SLC25A14: variants seen among roughly 807,000 people sequenced by gnomAD.
SLC25A14 encodes the protein solute carrier family 25 member 14, also known as brain mitochondrial carrier protein 1.
Under a neutral mutation model 28.1 loss-of-function variants are expected in SLC25A14, and 8 were observed. That is an observed-to-expected ratio of 0.28 (90% CI 0.17 to 0.51). SLC25A14 has a LOEUF of 0.51. Ranked by LOEUF, SLC25A14 falls within the 20% of genes least tolerant of loss-of-function variation. SLC25A14 has a pLI of 0.97. For missense variants in SLC25A14, 135 were observed against 263.8 expected (o/e 0.51, Z 3.38); for synonymous variants, 74 against 90.6 (o/e 0.82, Z 1.04).
At chrX:130,370,827 A>G (rs1193474278) in intron 9 of SLC25A14, among the ~76,000 whole-genome samples, 1 of 112,282 alleles carries the variant, frequency 8.9e-6, no homozygotes, top group Non-Finnish European at 1.9e-5. Context: ...TGTATAGGTT[A>G]CCTATTGCTG....
Position 130,373,038 on chromosome X carries a change from A to G in SLC25A14, c.*88A>G. 1 of 743,255 alleles carries G rather than the reference A, an allele frequency of 1.3e-6. No individual in the cohort carries two copies. Among genetic ancestry groups the G allele is most frequent in the Non-Finnish European group, 2.0e-6 (1 of 495,709 alleles). 61.3% of individuals were successfully genotyped at this position (743,255 alleles called of 1,213,427 possible). A position where few individuals can be genotyped will look rare whatever the true frequency, so the allele number is the denominator to read the frequency against. On this transcript the variant is annotated 3_prime_UTR_variant, in exon 11 of 11. Coordinates refer to ENST00000545805, the MANE Select transcript of SLC25A14 (RefSeq NM_001282195.2). ...TTCTAATGTATTTTGACAATGTTGT[A>G]AGTGTTTACCAAGCCGTTGGTCTCC...
intron 10 of SLC25A14, among the ~76,000 whole-genome samples, chrX:130,372,343 T>TA (rs2034283220): frequency 8.9e-6 from 1 of 111,852 alleles, no homozygotes; most frequent in African/African-American, 3.3e-5. Context: ...CTGAAGACTA[T>TA]AAATATATTA....
chrX:130,368,939 T>C (rs1192652137), intron 9 of SLC25A14, among the ~76,000 whole-genome samples: 6 of 112,691 alleles, frequency 5.3e-5, no homozygotes, highest in Admixed American at 1.9e-4. Flanking sequence ...TTTACTCACT[T>C]GCTACTAAAA....
At chrX:130,344,601 A>G (rs978674268) in intron 2 of SLC25A14, among the ~76,000 whole-genome samples, 1 of 112,093 alleles carries the variant, frequency 8.9e-6, no homozygotes, top group African/African-American at 3.2e-5. Context: ...TCATATTGCT[A>G]TCATTCCTTT....
intron 3 of SLC25A14, 37 bp downstream of exon 3, chrX:130,345,312 G>A (rs2033396610): frequency 3.6e-6 from 3 of 828,417 alleles, no homozygotes; most frequent in Non-Finnish European, 5.4e-6. Flanking sequence ...GCATTATACG[G>A]TATAGATGGT....
intron 9 of SLC25A14, 120 bp from the exon 10 acceptor site, chrX:130,371,444 G>A: frequency 2.1e-6 from 1 of 486,232 alleles, no homozygotes; most frequent in Middle Eastern, 3.5e-4. Flanking sequence ...AATTTAAAAT[G>A]GACCTTTAGA....
chrX:130,340,675 G>C (rs1228747556), intron 2 of SLC25A14, among the ~76,000 whole-genome samples: 2 of 110,483 alleles, frequency 1.8e-5, no homozygotes, highest in Non-Finnish European at 1.9e-5. Flanking sequence ...TCTTCATTGG[G>C]GAAGTCTATC....
intron 9 of SLC25A14, among the ~76,000 whole-genome samples, chrX:130,366,684 C>G (rs1569456100): frequency 8.9e-6 from 1 of 111,875 alleles, no homozygotes; most frequent in East Asian, 2.8e-4. Context: ...GGTGCTTGGA[C>G]TTTTTTTTAA....
intron 9 of SLC25A14, among the ~76,000 whole-genome samples, chrX:130,366,650 A>G (rs946200118): frequency 8.9e-6 from 1 of 112,520 alleles, no homozygotes; most frequent in Non-Finnish European, 1.9e-5. Flanking sequence ...GTTAGATTAT[A>G]AAGGATACTG....
intron 7 of SLC25A14, among the ~76,000 whole-genome samples, chrX:130,362,040 G>A (rs938080433): frequency 1.8e-5 from 2 of 110,828 alleles, no homozygotes; most frequent in African/African-American, 6.6e-5. Context: ...GGCACCCTTC[G>A]GCTAGCCAGC....
intron 6 of SLC25A14, among the ~76,000 whole-genome samples, chrX:130,354,830 C>A (rs939978162): frequency 8.9e-6 from 1 of 111,808 alleles, no homozygotes; most frequent in East Asian, 2.8e-4. Flanking sequence ...CTGTCTGGAC[C>A]CTTACAGAAA....
At chrX:130,349,401 C>T (rs1177675563) in intron 5 of SLC25A14, 56 bp downstream of exon 5, 2 of 771,844 alleles carry the variant, frequency 2.6e-6, no homozygotes, top group East Asian at 6.6e-5. Context: ...TGAAATCATG[C>T]TTAGTGAGAA....
chrX:130,348,724 G>T lies in SLC25A14; in HGVS notation c.318-527G>T, dbSNP rs759299295. On this transcript the variant is annotated intron_variant, in intron 4 of 10. Transcript: ENST00000545805. ...TCTTTTGCTTGCTTTGGGTTATTTT[G>T]CTTTTCTTTTTCTAGTTTCTTGAGG... 3.2e-4 allele frequency among the ~76,000 whole-genome samples: 26 copies of T among 81,886 alleles called. 1 individual carries two copies. Among genetic ancestry groups the T allele is most frequent in the African/African-American group, 1.1e-3 (24 of 21,330 alleles). 71.1% of individuals were successfully genotyped at this position (81,886 alleles called of 115,157 possible). A position where few individuals can be genotyped will look rare whatever the true frequency, so the allele number is the denominator to read the frequency against.
At chrX:130,350,822 C>A in intron 6 of SLC25A14, 91 bp downstream of exon 6, 2 of 470,162 alleles carry the variant, frequency 4.3e-6, no homozygotes, top group South Asian at 4.4e-5. Context: ...AGCTGTAGAA[C>A]CTTGGGCAAA....
At chrX:130,361,921 G>T (rs1391467343) in intron 7 of SLC25A14, among the ~76,000 whole-genome samples, 1 of 110,930 alleles carries the variant, frequency 9.0e-6, no homozygotes, top group Non-Finnish European at 1.9e-5. Context: ...CATGCCTATA[G>T]CCTGATTTTG....
chrX:130,346,632 G>A lies in SLC25A14; in HGVS notation c.258G>A (p.Gly86=). 1 of 1,206,744 alleles carries A rather than the reference G, an allele frequency of 8.3e-7. No individual in the cohort carries two copies. The highest frequency in any genetic ancestry group is 1.1e-6 in the Non-Finnish European group (1 of 891,131). ...DARFKEIKYR[G]MFHALFRICK... ...GTTTCAAAGAGATAAAATATAGAGG[G>A]ATGTTCCATGCGCTGTTTCGCATCT... Residue 86 remains glycine, a synonymous_variant, in exon 4 of 11, where the codon GGG becomes GGA. Coordinates refer to ENST00000545805, the MANE Select transcript of SLC25A14 (RefSeq NM_001282195.2).
At chrX:130,340,400 G>A in intron 2 of SLC25A14, 47 bp downstream of exon 2, 2 of 1,195,317 alleles carry the variant, frequency 1.7e-6, no homozygotes. Context: ...ACTGTTGAAA[G>A]ATGCTCCCCT....
chrX:130,362,235 C>G (rs2033993852), intron 7 of SLC25A14, among the ~76,000 whole-genome samples: 1 of 108,926 alleles, frequency 9.2e-6, no homozygotes, highest in African/African-American at 3.3e-5. Context: ...CTCCTGGGTT[C>G]AAGCGATTCT....
intron 6 of SLC25A14, among the ~76,000 whole-genome samples, chrX:130,357,610 T>C (rs2033832533): frequency 8.9e-6 from 1 of 112,175 alleles, no homozygotes; most frequent in Non-Finnish European, 1.9e-5. Context: ...TGAAAACTCT[T>C]AGTAGTAACA....
Sources: gnomAD v4.1 joint callset for allele counts (sites outside exome capture counted in the v4.1 genomes callset) on GRCh38, gnomAD v4.1.1 for gene constraint, MANE v1.5 for transcripts, NCBI Gene and HGNC (gene_info 2026-07-23, HGNC 2026-07-21) for gene names.